The following ANXA6 variants were observed in gnomAD, a reference collection of about 807,000 sequenced individuals.
ANXA6 encodes annexin A6.
ANXA6 carries 71 observed loss-of-function variants against 95.4 expected under a neutral mutation model. That is an observed-to-expected ratio of 0.74 (90% CI 0.61 to 0.91). ANXA6 has a LOEUF of 0.91. ANXA6 is among the 40% of genes least tolerant of loss of function. ANXA6 has a pLI of 0.00. For missense variants in ANXA6, 830 were observed against 876.4 expected (o/e 0.95, Z 0.67); for synonymous variants, 289 against 315.9 (o/e 0.91, Z 0.90).
chr5:151,117,962 G>T lies in ANXA6; in HGVS notation c.1439-125C>A, dbSNP rs1167418032. ...GGCAGGGGGAGGTGGGGATGAAAGG[G>T]TTTGTAACTGGCTCATGGGGGCATC... On this transcript the variant is annotated intron_variant, in intron 18 of 25. Coordinates refer to ENST00000354546, the MANE Select transcript of ANXA6 (RefSeq NM_001155.5). 1.4e-5 allele frequency: 10 copies of T among 717,684 alleles called. No homozygotes were observed. In the Admixed American group the frequency reaches 2.0e-4, roughly 14 times the overall value. 44.5% of individuals were successfully genotyped at this position (717,684 alleles called of 1,614,324 possible). A position where few individuals can be genotyped will look rare whatever the true frequency, so the allele number is the denominator to read the frequency against.
At chr5:151,110,245 G>A (rs1014686950) in intron 21 of ANXA6, among the ~76,000 whole-genome samples, 1 of 152,226 alleles carries the variant, frequency 6.6e-6, no homozygotes, top group African/African-American at 2.4e-5. Flanking sequence ...CCTGGCCAGT[G>A]TTTCCCCAAG....
intron 23 of ANXA6, among the ~76,000 whole-genome samples, chr5:151,107,189 T>C (rs1426565056): frequency 6.6e-6 from 1 of 152,200 alleles, no homozygotes; most frequent in Non-Finnish European, 1.5e-5. Flanking sequence ...GAAACAACAA[T>C]ACAAATACAA....
At position 151,129,435 on chromosome 5, in the gene ANXA6, T is replaced by C; in HGVS notation, c.890A>G (p.Tyr297Cys). Residue 297 changes from tyrosine to cysteine, a missense_variant, in exon 12 of 26, where the codon TAT becomes TGT. Physicochemically the swap from Tyr to Cys is radical, Grantham distance 194. Coordinates refer to ENST00000354546, the MANE Select transcript of ANXA6 (RefSeq NM_001155.5). Reference sequence around the variant, plus strand: ...GATCATGCTGTAGAGGGACTTCTCATACTTGGTCCGGAAGATCTCCCGAAT... The same window carrying C: ...GATCATGCTGTAGAGGGACTTCTCACACTTGGTCCGGAAGATCTCCCGAAT... ...LDIREIFRTKYEKSLYSMIKN... is the reference protein window; with the variant it reads ...LDIREIFRTKCEKSLYSMIKN... The C allele has an allele frequency of 1.2e-6, 2 of 1,613,534 alleles. No homozygotes were observed. Among genetic ancestry groups the C allele is most frequent in the Non-Finnish European group, 8.5e-7 (1 of 1,179,854 alleles).
At chr5:151,110,890 G>T (rs529569118) in intron 20 of ANXA6, among the ~76,000 whole-genome samples, 1 of 152,132 alleles carries the variant, frequency 6.6e-6, no homozygotes, top group South Asian at 2.1e-4. Context: ...AACTAAAAAC[G>T]TGTTCACTTG....
At chr5:151,102,177 A>T (rs1371533471) in intron 25 of ANXA6, among the ~76,000 whole-genome samples, 1 of 152,200 alleles carries the variant, frequency 6.6e-6, no homozygotes, top group Non-Finnish European at 1.5e-5. Context: ...GACTCCTATC[A>T]TTGTTATGAG....
At position 151,126,425 on chromosome 5, in the gene ANXA6, G is replaced by A; in HGVS notation, c.1033C>T (p.Leu345Phe). 1 of 1,610,988 alleles carries A rather than the reference G, an allele frequency of 6.2e-7. No homozygotes were observed. Among genetic ancestry groups the A allele is most frequent in the South Asian group, 1.1e-5 (1 of 90,242 alleles). The change falls in exon 14 of 26, where the codon CTT (leucine) becomes TTT (phenylalanine). Residue 345 changes from leucine (L) to phenylalanine (F), a missense_variant. Physicochemically the swap from Leu to Phe is conservative, Grantham distance 22 (BLOSUM62 0). Transcript: ENST00000354546. ...AAQVAYQMWE[L>F]SAVARVELKG... The stretch of plus-strand genomic sequence containing the variant: ...ACCTCTACTCGGGCCACTGCACTAA[G>A]TTCCCACATCTGATAGGCCACCTGC...
chr5:151,141,466 C>A, intron 2 of ANXA6: 1 of 967,002 alleles, frequency 1.0e-6, no homozygotes. Context: ...AGAGGCTGAT[C>A]CAGCTGCGGG....
intron 22 of ANXA6, 70 bp downstream of exon 22, chr5:151,109,683 G>T (rs1337780723): frequency 6.3e-6 from 8 of 1,277,318 alleles, no homozygotes; most frequent in Admixed American, 1.9e-5. Context: ...TTGCCACAGA[G>T]AGCTGAGAGG....
chr5:151,154,654 G>A (rs1393676980), intron 1 of ANXA6, among the ~76,000 whole-genome samples: 1 of 152,176 alleles, frequency 6.6e-6, no homozygotes, highest in Non-Finnish European at 1.5e-5. Context: ...TGCCTTCCCT[G>A]GCTCTGTGCG....
chr5:151,136,424 T>TA, intron 6 of ANXA6, 89 bp from the exon 7 acceptor site: 1 of 1,302,946 alleles, frequency 7.7e-7, no homozygotes, highest in Admixed American at 2.1e-5. Context: ...AATGATCAGA[T>TA]ATTTTTAAGA....
At chr5:151,145,829 C>A (rs1765961939) in intron 2 of ANXA6, among the ~76,000 whole-genome samples, 1 of 152,136 alleles carries the variant, frequency 6.6e-6, no homozygotes, top group Non-Finnish European at 1.5e-5. Context: ...CTTTTACTCC[C>A]CTGAGCACGC....
chr5:151,103,861 C>A (rs940521676), intron 24 of ANXA6, among the ~76,000 whole-genome samples, 169 bp from the exon 25 acceptor site: 14 of 152,218 alleles, frequency 9.2e-5, no homozygotes, highest in African/African-American at 3.4e-4. Flanking sequence ...CCTCTGTGCC[C>A]AGGACTGGCC....
At chr5:151,108,600 G>A in intron 22 of ANXA6, 50 bp from the exon 23 acceptor site, 1 of 1,534,282 alleles carries the variant, frequency 6.5e-7, no homozygotes. Context: ...AGTGCAGGAG[G>A]CGGAGGACCC....
intron 24 of ANXA6, among the ~76,000 whole-genome samples, chr5:151,104,804 T>C (rs1764649526): frequency 6.6e-6 from 1 of 152,160 alleles, no homozygotes; most frequent in Non-Finnish European, 1.5e-5. Flanking sequence ...AGACCCTGTG[T>C]CCCCGGATAG....
At chr5:151,128,959 A>G (rs1353075057) in intron 12 of ANXA6, among the ~76,000 whole-genome samples, 1 of 151,972 alleles carries the variant, frequency 6.6e-6, no homozygotes, top group Non-Finnish European at 1.5e-5. Flanking sequence ...AAAAAAAAAA[A>G]AAAAGGGAAA....
At chr5:151,123,677 C>G (rs999608686) in intron 15 of ANXA6, among the ~76,000 whole-genome samples, 1 of 151,998 alleles carries the variant, frequency 6.6e-6, no homozygotes, top group African/African-American at 2.4e-5. Flanking sequence ...TGGACTTAAC[C>G]TAAAGCCTCC....
At chr5:151,125,473 T>C (rs997985349) in intron 14 of ANXA6, among the ~76,000 whole-genome samples, 1 of 152,010 alleles carries the variant, frequency 6.6e-6, no homozygotes, top group East Asian at 1.9e-4. Context: ...AAAGAGGTGA[T>C]ATACCATGAA....
chr5:151,151,036 C>A (rs1167708619), intron 1 of ANXA6: 1 of 152,210 alleles, frequency 6.6e-6, no homozygotes, highest in Non-Finnish European at 1.5e-5. Context: ...CAAGGAGGGG[C>A]CTCTTACTGT....
intron 8 of ANXA6, among the ~76,000 whole-genome samples, chr5:151,133,871 CT>C (rs777046059): frequency 2.1e-4 from 32 of 152,198 alleles, no homozygotes; most frequent in Non-Finnish European, 4.1e-4. Flanking sequence ...CTTTCTACTT[CT>C]TTATCACTTT....
Sources: gnomAD v4.1 joint callset for allele counts (sites outside exome capture counted in the v4.1 genomes callset) on GRCh38, gnomAD v4.1.1 for gene constraint, MANE v1.5 for transcripts, NCBI Gene and HGNC (gene_info 2026-07-23, HGNC 2026-07-21) for gene names.